Variants in C10orf88 observed in about 807,000 individuals in gnomAD.
The protein encoded by C10orf88 is ATPase PAAT.
In C10orf88, 29 loss-of-function variants were observed where a neutral mutation model predicts 34.2. That is an observed-to-expected ratio of 0.85 (90% CI 0.63 to 1.16). The LOEUF (loss-of-function observed/expected upper bound fraction) is 1.16, where lower values mean the gene tolerates loss of function less well. Among genes scored for constraint, C10orf88 ranks in the 50% most tolerant of loss-of-function variants. C10orf88 has a pLI of 0.00. For synonymous variants in C10orf88, 194 were observed against 197.4 expected, an observed-to-expected ratio of 0.98 and a Z score of 0.15; for missense variants, 507 against 533.2, an observed-to-expected ratio of 0.95 and a Z score of 0.48.
At position 122,931,337 on chromosome 10, in the gene C10orf88, G is replaced by A. The variant is rs1402403600; in HGVS notation, c.*1090C>T. The A allele has an allele frequency of 1.3e-5, 2 of 152,046 alleles. No individual in the cohort carries two copies. Among genetic ancestry groups the A allele is most frequent in the Non-Finnish European group, 2.9e-5 (2 of 68,004 alleles). The allele number at this position is 152,046 out of a possible 1,614,324, so 9.4% of individuals were successfully genotyped here. A position where few individuals can be genotyped will look rare whatever the true frequency, so the allele number is the denominator to read the frequency against. ...GTTTCTTAAAGATAAGCAGAGTTAG[G>A]GCAGGGTAAAAATTCAGCTATGTCA... On this transcript the variant is annotated 3_prime_UTR_variant, in exon 6 of 6. Coordinates refer to ENST00000481909, the MANE Select transcript of C10orf88 (RefSeq NM_024942.4).
At chr10:122,949,003 C>A (rs867183046) in intron 3 of C10orf88, 148 bp from the exon 4 acceptor site, 10 of 675,604 alleles carry the variant, frequency 1.5e-5, no homozygotes, top group South Asian at 2.4e-5. Context: ...TCTAGAACAG[C>A]AATAGTCAGG....
At chr10:122,951,148 C>A (rs548656343) in intron 3 of C10orf88, among the ~76,000 whole-genome samples, 1 of 152,294 alleles carries the variant, frequency 6.6e-6, no homozygotes, top group South Asian at 2.1e-4. Context: ...TAACAGTTAC[C>A]TTAACAATAT....
intron 2 of C10orf88, among the ~76,000 whole-genome samples, chr10:122,952,424 G>A (rs1461022004): frequency 6.6e-6 from 1 of 152,182 alleles, no homozygotes; most frequent in Non-Finnish European, 1.5e-5. Flanking sequence ...CACAGTCTTA[G>A]ATCCCTCCAC....
chr10:122,948,917 C>G, intron 3 of C10orf88, 62 bp from the exon 4 acceptor site: 1 of 1,430,776 alleles, frequency 7.0e-7, no homozygotes, highest in Non-Finnish European at 9.6e-7. Flanking sequence ...TTTAATGTAA[C>G]TTCTTGGTAT....
chr10:122,931,240 G>T lies in C10orf88; in HGVS notation c.*1187C>A, dbSNP rs955640217. 1 of 152,072 alleles carries T rather than the reference G, an allele frequency of 6.6e-6. No individual in the cohort carries two copies. Among genetic ancestry groups the T allele is most frequent in the Admixed American group, 6.6e-5 (1 of 15,262 alleles). The allele number at this position is 152,072 out of a possible 1,614,324, so 9.4% of individuals were successfully genotyped here. A position where few individuals can be genotyped will look rare whatever the true frequency, so the allele number is the denominator to read the frequency against. On this transcript the variant is annotated 3_prime_UTR_variant, in exon 6 of 6. Coordinates refer to ENST00000481909, the MANE Select transcript of C10orf88 (RefSeq NM_024942.4). ...GGCTGAGGTCTTTTTAAAGTCGTTT[G>T]GTCAGCTATCGTGGTTGTAACCAGT...
chr10:122,945,840 C>T (rs918197116), intron 4 of C10orf88, among the ~76,000 whole-genome samples: 4 of 151,998 alleles, frequency 2.6e-5, no homozygotes, highest in African/African-American at 9.7e-5. Flanking sequence ...CGCCTGTAAT[C>T]CCACCCAGTA....
chr10:122,945,091 T>G (rs1341766222), intron 4 of C10orf88, among the ~76,000 whole-genome samples: 1 of 151,354 alleles, frequency 6.6e-6, no homozygotes, highest in Non-Finnish European at 1.5e-5. Context: ...TATATATATA[T>G]GTATGTATAG....
intron 1 of C10orf88, among the ~76,000 whole-genome samples, chr10:122,953,709 T>C (rs185645984): frequency 6.6e-4 from 100 of 152,288 alleles, no homozygotes; most frequent in African/African-American, 2.4e-3. Context: ...TGTTTGAGGG[T>C]AGAGGGGCGG....
rs1347780466 is a variant in C10orf88, at chr10:122,948,912, T to C, written c.442-57A>G. ...GATATTAAAAACAATAATCATTTAA[T>C]GTAACTTCTTGGTATGACCTAAACA... On this transcript the variant is annotated intron_variant, in intron 3 of 5. Coordinates refer to ENST00000481909, the MANE Select transcript of C10orf88 (RefSeq NM_024942.4). 11 of 1,461,748 alleles carry C rather than the reference T, an allele frequency of 7.5e-6. No homozygotes were observed. In the East Asian group the frequency reaches 1.2e-4, roughly 15 times the overall value. 90.5% of individuals were successfully genotyped at this position (1,461,748 alleles called of 1,614,324 possible).
At chr10:122,933,622 A>G (rs1165900759) in intron 5 of C10orf88, among the ~76,000 whole-genome samples, 1 of 152,132 alleles carries the variant, frequency 6.6e-6, no homozygotes, top group South Asian at 2.1e-4. Flanking sequence ...TACAAAATCT[A>G]TGTTATTGCC....
In C10orf88 at chr10:122,952,941, C is replaced by A; in HGVS notation, c.256G>T (p.Glu86Ter). ...CTTAAAATGCCAATAGAAGCGATTTCTTCACCTCCATCAGGGCCACACCTC... is the reference window on the plus strand; with the variant it reads ...CTTAAAATGCCAATAGAAGCGATTTATTCACCTCCATCAGGGCCACACCTC... The part of the protein sequence containing the change: ...YLRCGPDGGE[E>*]IASIGILSSA... Residue 86 changes from glutamate to a stop codon, truncating the protein, a stop_gained, in exon 2 of 6, where the codon GAA becomes TAA. Transcript: ENST00000481909. LOFTEE classifies it high-confidence loss of function. 1 of 1,614,160 alleles carries A rather than the reference C, an allele frequency of 6.2e-7. No homozygotes were observed. The highest frequency in any genetic ancestry group is 8.5e-7 in the Non-Finnish European group (1 of 1,180,010).
chr10:122,946,338 T>C (rs1214202485), intron 4 of C10orf88, among the ~76,000 whole-genome samples: 1 of 152,148 alleles, frequency 6.6e-6, no homozygotes, highest in Non-Finnish European at 1.5e-5. Flanking sequence ...TTGTATACTA[T>C]ATTTTTACAG....
rs1290216489 is a variant in C10orf88, at chr10:122,952,882, C to T, written c.315G>A (p.Glu105=). 5.6e-6 allele frequency: 9 copies of T among 1,614,184 alleles called. No homozygotes were observed. Among genetic ancestry groups the T allele is most frequent in the African/African-American group, 1.3e-5 (1 of 75,058 alleles). ...SARNMEVYLG[E]EYCGTSRGKN... is the part of the protein sequence containing the mutation. ...TGCCCCTACTGGTTCCACAGTACTCCTCTCCTAAGTACACTTCCATATTTC... is the reference window on the plus strand; with the variant it reads ...TGCCCCTACTGGTTCCACAGTACTCTTCTCCTAAGTACACTTCCATATTTC... The change falls in exon 2 of 6, where the codon GAG becomes GAA. Residue 105 remains glutamate (E), a synonymous_variant. Coordinates refer to ENST00000481909, the MANE Select transcript of C10orf88 (RefSeq NM_024942.4).
chr10:122,937,982 T>C lies in C10orf88; in HGVS notation c.826A>G (p.Ile276Val), dbSNP rs142362978. The C allele has an allele frequency of 3.1e-4, 503 of 1,613,386 alleles. 3 individuals are homozygous for C. In the African/African-American group the frequency reaches 4.7e-3, roughly 15 times the overall value. Residue 276 changes from isoleucine (I) to valine (V), a missense_variant, in exon 5 of 6, where the codon ATT (isoleucine) becomes GTT (valine). Transcript: ENST00000481909. ...GNVTENLQTY[I>V]DKSTQLPGGE... Reference sequence around the variant, plus strand: ...CCAGGCAGTTGTGTACTTTTATCAATGTAAGTTTGTAAGTTTTCAGTCACG... The same window carrying C: ...CCAGGCAGTTGTGTACTTTTATCAACGTAAGTTTGTAAGTTTTCAGTCACG...
chr10:122,953,147 G>T, intron 1 of C10orf88, 115 bp from the exon 2 acceptor site: 1 of 806,908 alleles, frequency 1.2e-6, no homozygotes, highest in Non-Finnish European at 2.0e-6. Flanking sequence ...GCTCCATCTC[G>T]GCTCACTGCA....
At chr10:122,940,513 T>C (rs1046262263) in intron 4 of C10orf88, among the ~76,000 whole-genome samples, 1 of 152,072 alleles carries the variant, frequency 6.6e-6, no homozygotes, top group Non-Finnish European at 1.5e-5. Flanking sequence ...AACAACACCA[T>C]ATTGTACATT....
chr10:122,953,869 C>G (rs1279251894), intron 1 of C10orf88, 146 bp downstream of exon 1: 4 of 551,108 alleles, frequency 7.3e-6, no homozygotes, highest in African/African-American at 2.0e-5. Context: ...CCCGGACGAC[C>G]TCGCAGCTCC....
Position 122,932,324 on chromosome 10 carries a change from C to A in C10orf88, c.*103G>T. 1.0e-6 allele frequency: 1 copy of A among 955,508 alleles called. No individual in the cohort carries two copies. The highest frequency in any genetic ancestry group is 1.8e-5 in the South Asian group (1 of 54,720). 59.2% of individuals were successfully genotyped at this position (955,508 alleles called of 1,614,324 possible). On this transcript the variant is annotated 3_prime_UTR_variant, in exon 6 of 6. Transcript: ENST00000481909. ...GGTCACTTTGTGTAAGACAATGATC[C>A]CTCAAAGGACATTAAATACTTGCTT... is the stretch of plus-strand genomic sequence containing the variant.
At position 122,952,846 on chromosome 10, in the gene C10orf88, A is replaced by G; in HGVS notation, c.351T>C (p.Cys117=). 1 of 1,614,046 alleles carries G rather than the reference A, an allele frequency of 6.2e-7. No individual in the cohort carries two copies. Among genetic ancestry groups the G allele is most frequent in the Non-Finnish European group, 8.5e-7 (1 of 1,179,928 alleles). The stretch of plus-strand genomic sequence containing the variant: ...TCACACACCTGTCATCCAGGACAGT[A>G]CAAACATTCTTGCCCCTACTGGTTC... ...YCGTSRGKNV[C]TVLDDSEHEK... The change falls in exon 2 of 6, where the codon TGT becomes TGC. Residue 117 remains cysteine (C), a synonymous_variant. Coordinates refer to ENST00000481909, the MANE Select transcript of C10orf88 (RefSeq NM_024942.4).
Sources: allele counts gnomAD v4.1 joint callset (sites outside exome capture counted in the v4.1 genomes callset), GRCh38; gene constraint gnomAD v4.1.1; transcripts MANE v1.5; gene names NCBI Gene and HGNC (gene_info 2026-07-23, HGNC 2026-07-21).